The following CACNB2 variants were observed in gnomAD, a reference collection of about 807,000 sequenced individuals.
CACNB2 encodes the protein calcium voltage-gated channel auxiliary subunit beta 2.
A neutral mutation model predicts 73.3 loss-of-function variants in CACNB2; 42 were observed. The ratio of observed to expected loss-of-function variants is 0.57; its 90% CI spans 0.45 to 0.74. The LOEUF (loss-of-function observed/expected upper bound fraction) is 0.74. Ranked by LOEUF, CACNB2 falls within the 30% of genes least tolerant of loss-of-function variation. The probability of loss-of-function intolerance (pLI) is 0.00; values close to 1 mark genes in which losing one functional copy is unlikely to be tolerated. For missense variants in CACNB2, 940 were observed against 853.0 expected (o/e 1.10, Z -1.27); for synonymous variants, 348 against 310.3 (o/e 1.12, Z -1.28).
intron 2 of CACNB2, among the ~76,000 whole-genome samples, chr10:18,216,296 T>A (rs113158380): frequency 4.9e-4 from 75 of 152,058 alleles, no homozygotes; most frequent in Middle Eastern, 3.4e-3. Flanking sequence ...AAACTCCATC[T>A]CAAAAATAGC....
chr10:18,146,081 T>C (rs1415574164), intron 1 of CACNB2, among the ~76,000 whole-genome samples: 1 of 152,100 alleles, frequency 6.6e-6, no homozygotes, highest in Non-Finnish European at 1.5e-5. Flanking sequence ...AAAAGGCAAC[T>C]TACTTCTCTC....
chr10:18,308,656 A>G (rs2039839643), intron 2 of CACNB2, among the ~76,000 whole-genome samples: 1 of 152,210 alleles, frequency 6.6e-6, no homozygotes, highest in Admixed American at 6.5e-5. Flanking sequence ...CTTTCATGAG[A>G]TCTGGCTCTT....
rs115766391 is a variant in CACNB2 at position 18,365,913 on chromosome 10, A to G, written c.214-36011A>G. 7.4e-3 allele frequency among the ~76,000 whole-genome samples: 1,125 copies of G among 152,324 alleles called. 16 individuals carry two copies. Among genetic ancestry groups the G allele is most frequent in the African/African-American group, 0.025 (1,057 of 41,580 alleles). On this transcript the variant is annotated intron_variant, in intron 2 of 13. Coordinates refer to ENST00000324631, the MANE Select transcript of CACNB2 (RefSeq NM_201596.3). ...TTGTTGAGGATGTAAGAATCTGTCA[A>G]TTTGGCCTGTGGAGGGTAGGAATTC... is the stretch of plus-strand genomic sequence containing the variant.
intron 1 of CACNB2, 28 bp from the exon 2 acceptor site, chr10:18,150,855 C>CTATTTTTTTTTTTTTTTTTTTT: frequency 2.1e-6 from 1 of 483,392 alleles, no homozygotes; most frequent in Non-Finnish European, 3.1e-6. Context: ...TCTTATTTGT[C>CTATTTTTTTTTTTTTTTTTTTT]TTTTTTTTTT....
intron 2 of CACNB2, among the ~76,000 whole-genome samples, chr10:18,219,456 T>C (rs184261916): frequency 1.5e-4 from 23 of 152,302 alleles, no homozygotes; most frequent in Non-Finnish European, 2.8e-4. Flanking sequence ...TGTTAATTTT[T>C]AAATATAGTT....
At chr10:18,416,066 T>C (rs2044941472) in intron 3 of CACNB2, among the ~76,000 whole-genome samples, 1 of 152,188 alleles carries the variant, frequency 6.6e-6, no homozygotes, top group African/African-American at 2.4e-5. Flanking sequence ...ATAGTCATCC[T>C]ACTCTGCTGT....
chr10:18,471,922 T>C (rs1283148834), intron 3 of CACNB2, among the ~76,000 whole-genome samples: 1 of 152,222 alleles, frequency 6.6e-6, no homozygotes, highest in African/African-American at 2.4e-5. Flanking sequence ...CTAACATCAC[T>C]AGGCATTTGT....
intron 2 of CACNB2, among the ~76,000 whole-genome samples, chr10:18,189,022 T>C (rs2034279175): frequency 6.6e-6 from 1 of 152,164 alleles, no homozygotes; most frequent in African/African-American, 2.4e-5. Flanking sequence ...TGCAGTGTAC[T>C]GATCATATAG....
intron 9 of CACNB2, among the ~76,000 whole-genome samples, chr10:18,519,517 C>G (rs753081423): frequency 1.3e-5 from 2 of 152,192 alleles, no homozygotes; most frequent in Non-Finnish European, 2.9e-5. Context: ...AAGGGCCAAC[C>G]CACCATGTGG....
chr10:18,238,096 G>A (rs531686267), intron 2 of CACNB2, among the ~76,000 whole-genome samples: 1 of 152,268 alleles, frequency 6.6e-6, no homozygotes, highest in South Asian at 2.1e-4. Context: ...TTTAGGATGG[G>A]AACTATGAAG....
At chr10:18,483,495 C>T (rs945376947) in intron 3 of CACNB2, among the ~76,000 whole-genome samples, 14 of 143,852 alleles carry the variant, frequency 9.7e-5, no homozygotes, top group African/African-American at 3.6e-4. Flanking sequence ...CACTCCACTG[C>T]ACTCCAGCCT....
At chr10:18,150,325 G>A (rs2031396088) in intron 1 of CACNB2, among the ~76,000 whole-genome samples, 3 of 152,050 alleles carry the variant, frequency 2.0e-5, no homozygotes, top group Admixed American at 6.5e-5. Context: ...TTTATAAGAC[G>A]ACATCCATTG....
intron 2 of CACNB2, among the ~76,000 whole-genome samples, chr10:18,289,733 G>A (rs2038981147): frequency 6.6e-6 from 1 of 152,132 alleles, no homozygotes; most frequent in African/African-American, 2.4e-5. Flanking sequence ...TTAAGCCCCT[G>A]CTGATAGCAC....
At chr10:18,301,079 C>T (rs1172504215) in intron 2 of CACNB2, among the ~76,000 whole-genome samples, 1 of 152,222 alleles carries the variant, frequency 6.6e-6, no homozygotes, top group Non-Finnish European at 1.5e-5. Context: ...AAAACCACCA[C>T]TCCTTTTCAA....
chr10:18,468,236 G>A (rs773866231), intron 3 of CACNB2, among the ~76,000 whole-genome samples: 3 of 152,110 alleles, frequency 2.0e-5, no homozygotes, highest in East Asian at 1.9e-4. Flanking sequence ...AAGGCAGGCC[G>A]ATTTCTTGAG....
intron 2 of CACNB2, among the ~76,000 whole-genome samples, chr10:18,152,744 A>AAAAAAG (rs1554760499): frequency 7.2e-6 from 1 of 138,086 alleles, no homozygotes. Context: ...AAAAAACAAA[A>AAAAAAG]CACTAGCTCC....
chr10:18,183,370 TAA>T (rs1335839752), intron 2 of CACNB2, among the ~76,000 whole-genome samples: 7 of 152,192 alleles, frequency 4.6e-5, no homozygotes, highest in Non-Finnish European at 8.8e-5. Context: ...GCTGGTCATT[TAA>T]AGTCTGCTTC....
chr10:18,307,678 A>G (rs923820763), intron 2 of CACNB2, among the ~76,000 whole-genome samples: 43 of 152,328 alleles, frequency 2.8e-4, no homozygotes, highest in African/African-American at 9.6e-4. Flanking sequence ...CAAGGATGGG[A>G]AAGTGAACAT....
chr10:18,409,180 G>T (rs77572542), intron 3 of CACNB2, among the ~76,000 whole-genome samples: 9,802 of 151,974 alleles, frequency 0.064, 834 homozygotes, highest in African/African-American at 0.18. Context: ...GCATCTGTAA[G>T]CCCAGCTATC....
Sources: gnomAD v4.1 joint callset for allele counts (sites outside exome capture counted in the v4.1 genomes callset) on GRCh38, gnomAD v4.1.1 for gene constraint, MANE v1.5 for transcripts, NCBI Gene and HGNC (gene_info 2026-07-23, HGNC 2026-07-21) for gene names.